MTA3: variants seen among roughly 807,000 people sequenced by gnomAD.
MTA3 encodes the protein metastasis-associated protein MTA3.
Under a neutral mutation model 83.5 loss-of-function variants are expected in MTA3, and 34 were observed. The ratio of observed to expected loss-of-function variants is 0.41; its 90% confidence interval spans 0.31 to 0.54. The LOEUF is 0.54. Ranked by LOEUF, MTA3 falls within the 20% of genes least tolerant of loss-of-function variation. The pLI is 0.33. For missense variants in MTA3, 761 were observed against 726.4 expected (o/e 1.05, Z -0.55); for synonymous variants, 303 against 252.7 (o/e 1.20, Z -1.89).
chr2:42,729,098 T>TTTTTTTTG lies in MTA3; in HGVS notation c.1759+6070_1759+6071insGTTTTTTT, dbSNP rs1558626072. Among the ~76,000 whole-genome samples the TTTTTTTTG allele has an allele frequency of 9.0e-5, 11 of 122,006 alleles. 1 individual carries two copies. The highest frequency in any genetic ancestry group is 1.5e-4 in the Non-Finnish European group (9 of 58,942). 80.0% of individuals were successfully genotyped at this position (122,006 alleles called of 152,430 possible). A position where few individuals can be genotyped will look rare whatever the true frequency, so the allele number is the denominator to read the frequency against. ...TTTCACAGTTTGAGTTTTTTTTTTT[T>TTTTTTTTG]TTTTTTTTTTTTTTTCACAGAGTCA... On this transcript the variant is annotated intron_variant, in intron 16 of 16. Transcript: ENST00000405094.
chr2:42,748,441 A>G lies in MTA3; in HGVS notation c.1760-4933A>G, dbSNP rs540951992. On this transcript the variant is annotated intron_variant, in intron 16 of 16. Transcript: ENST00000405094. ...CATTTTGGATGATTTTTAGAGTTCT[A>G]TCATCAAGTTCGCTGATTATTTCTT... Among the ~76,000 whole-genome samples the G allele has an allele frequency of 3.3e-5, 5 of 152,320 alleles. No homozygotes were observed. In the East Asian group the frequency reaches 5.8e-4, roughly 18 times the overall value.
At chr2:42,652,339 A>G (rs1387627052) in intron 6 of MTA3, among the ~76,000 whole-genome samples, 1 of 152,026 alleles carries the variant, frequency 6.6e-6, no homozygotes, top group Non-Finnish European at 1.5e-5. Flanking sequence ...GGTTTACTTC[A>G]CTAACGTAGA....
At chr2:42,524,949 G>A (rs1251724151) in intron 2 of MTA3, among the ~76,000 whole-genome samples, 2 of 145,766 alleles carry the variant, frequency 1.4e-5, no homozygotes, top group Non-Finnish European at 3.0e-5. Flanking sequence ...TGAAGCGCCT[G>A]TGGGTCTCTT....
At chr2:42,504,504 G>A (rs1434007213) in intron 2 of MTA3, among the ~76,000 whole-genome samples, 1 of 152,112 alleles carries the variant, frequency 6.6e-6, no homozygotes, top group Non-Finnish European at 1.5e-5. Flanking sequence ...GCCTCCCAAA[G>A]TGCTGGGATC....
chr2:42,618,100 A>G (rs1685124773), intron 4 of MTA3, among the ~76,000 whole-genome samples: 1 of 152,070 alleles, frequency 6.6e-6, no homozygotes, highest in African/African-American at 2.4e-5. Context: ...GCACACTACC[A>G]TACCTGGGTA....
chr2:42,677,609 A>AG, intron 8 of MTA3, among the ~76,000 whole-genome samples: 1 of 151,890 alleles, frequency 6.6e-6, no homozygotes, highest in Non-Finnish European at 1.5e-5. Flanking sequence ...CTCCCAAAGT[A>AG]CTGAGATTAC....
intron 16 of MTA3, among the ~76,000 whole-genome samples, chr2:42,725,933 T>C (rs1352184449): frequency 6.6e-6 from 1 of 152,240 alleles, no homozygotes; most frequent in Non-Finnish European, 1.5e-5. Flanking sequence ...CCCACATTCT[T>C]GTGTTACGAA....
At chr2:42,629,196 C>G (rs949668733) in intron 4 of MTA3, among the ~76,000 whole-genome samples, 6 of 152,238 alleles carry the variant, frequency 3.9e-5, no homozygotes, top group Admixed American at 2.6e-4. Context: ...TCTCCTGCCA[C>G]AGCCTCCTGA....
Position 42,609,482 on chromosome 2 carries a change from C to A in MTA3, c.215C>A (p.Thr72Lys). 1 of 1,613,614 alleles carries A rather than the reference C, an allele frequency of 6.2e-7. No individual in the cohort carries two copies. Among genetic ancestry groups the A allele is most frequent in the Non-Finnish European group, 8.5e-7 (1 of 1,179,752 alleles). ...HAKEIEEESE[T>K]TVEADLTDKQ... is the part of the protein sequence containing the mutation. ...GAAGAAATTGAGGAAGAATCTGAAA[C>A]AACAGTTGAGGCTGACTTGACCGAT... The change falls in exon 4 of 17, where the codon ACA becomes AAA. Residue 72 changes from threonine (T) to lysine (K), a missense_variant. Physicochemically the swap from Thr to Lys is moderately conservative, Grantham distance 78 (BLOSUM62 -1). Transcript: ENST00000405094.
At chr2:42,679,983 T>C (rs539325323) in intron 8 of MTA3, 53 of 152,348 alleles carry the variant, frequency 3.5e-4, no homozygotes, top group African/African-American at 1.2e-3. Flanking sequence ...AGCATCTATC[T>C]AGAAAAGATT....
chr2:42,713,444 AT>A (rs780225534), intron 14 of MTA3, among the ~76,000 whole-genome samples: 2 of 150,288 alleles, frequency 1.3e-5, no homozygotes, highest in South Asian at 2.1e-4. Flanking sequence ...GAGAGTTTAA[AT>A]TTTTTTTTTA....
chr2:42,581,589 C>T (rs1295621174), intron 3 of MTA3, among the ~76,000 whole-genome samples: 1 of 149,972 alleles, frequency 6.7e-6, no homozygotes, highest in Non-Finnish European at 1.5e-5. Flanking sequence ...TGTTATGTTG[C>T]CAGGGTGGGT....
intron 16 of MTA3, among the ~76,000 whole-genome samples, chr2:42,724,722 G>A (rs1293321210): frequency 6.6e-6 from 1 of 152,164 alleles, no homozygotes; most frequent in South Asian, 2.1e-4. Flanking sequence ...CACACCCTGT[G>A]GTCATTCTGG....
intron 8 of MTA3, among the ~76,000 whole-genome samples, chr2:42,663,887 G>A (rs977786800): frequency 1.3e-5 from 2 of 151,992 alleles, no homozygotes; most frequent in African/African-American, 4.8e-5. Context: ...TAATTTTGAG[G>A]TCCGATTACT....
intron 3 of MTA3, among the ~76,000 whole-genome samples, chr2:42,606,239 C>T (rs1361012537): frequency 6.9e-6 from 1 of 145,432 alleles, no homozygotes; most frequent in East Asian, 2.0e-4. Context: ...GGCTGCCGGG[C>T]GGAGACTCTC....
chr2:42,575,146 G>A (rs1281880959), intron 2 of MTA3, among the ~76,000 whole-genome samples: 1 of 152,150 alleles, frequency 6.6e-6, no homozygotes, highest in Non-Finnish European at 1.5e-5. Flanking sequence ...TGCTTACTTG[G>A]CACAAAGCAC....
At chr2:42,651,540 A>G (rs372452559) in intron 6 of MTA3, among the ~76,000 whole-genome samples, 8 of 151,322 alleles carry the variant, frequency 5.3e-5, no homozygotes, top group East Asian at 2.0e-4. Context: ...TTGTAATCCC[A>G]GTGCTTAGGA....
At chr2:42,660,860 T>C (rs1449952135) in intron 8 of MTA3, among the ~76,000 whole-genome samples, 1 of 152,206 alleles carries the variant, frequency 6.6e-6, no homozygotes, top group Non-Finnish European at 1.5e-5. Context: ...ATAATAAAAA[T>C]AAAGACAGGG....
intron 3 of MTA3, among the ~76,000 whole-genome samples, chr2:42,579,525 C>G (rs187726462): frequency 6.6e-6 from 1 of 151,158 alleles, no homozygotes; most frequent in East Asian, 2.0e-4. Context: ...ATCACAGGCT[C>G]AAGTGAGCCT....
Sources: gnomAD v4.1 joint callset for allele counts (sites outside exome capture counted in the v4.1 genomes callset) on GRCh38, gnomAD v4.1.1 for gene constraint, MANE v1.5 for transcripts, NCBI Gene and HGNC (gene_info 2026-07-23, HGNC 2026-07-21) for gene names.